Variants in NKD1 observed in about 807,000 individuals in gnomAD.
NKD1 encodes the protein NKD inhibitor of Wnt signaling pathway 1, also known as protein naked cuticle homolog 1.
Under a neutral mutation model 56.0 loss-of-function variants are expected in NKD1, and 21 were observed. That is an observed-to-expected ratio of 0.38 (90% CI 0.27 to 0.54). NKD1 has a LOEUF of 0.54. Ranked by LOEUF, NKD1 falls within the 20% of genes least tolerant of loss-of-function variation. The probability of loss-of-function intolerance (pLI) is 0.82; values close to 1 mark genes in which losing one functional copy is unlikely to be tolerated. For missense variants in NKD1, 578 were observed against 642.7 expected (o/e 0.90, Z 1.09); for synonymous variants, 263 against 265.7 (o/e 0.99, Z 0.10).
rs1053708184 is a variant in NKD1, at chr16:50,638,146, C to G, written c.*4365C>G. The G allele has an allele frequency of 6.6e-6, 1 of 152,200 alleles. No homozygotes were observed. The highest frequency in any genetic ancestry group is 1.5e-5 in the Non-Finnish European group (1 of 68,052). 9.4% of individuals were successfully genotyped at this position (152,200 alleles called of 1,614,324 possible). A position where few individuals can be genotyped will look rare whatever the true frequency, so the allele number is the denominator to read the frequency against. The stretch of plus-strand genomic sequence containing the variant: ...GAAGTGTGGCAGGAGGAGGGGAAGT[C>G]TGCCTGCATCTTGGTGTGTCTGTCA... On this transcript the variant is annotated 3_prime_UTR_variant, in exon 10 of 10. Coordinates refer to ENST00000268459, the MANE Select transcript of NKD1 (RefSeq NM_033119.5).
intron 3 of NKD1, among the ~76,000 whole-genome samples, chr16:50,578,798 C>T (rs1017926637): frequency 4.3e-4 from 65 of 152,152 alleles, no homozygotes; most frequent in African/African-American, 1.4e-3. Flanking sequence ...GGCTATGTCT[C>T]GGTCACTGCC....
Position 50,632,146 on chromosome 16 carries a change from C to A in NKD1, c.696-135C>A. ...ACAGTTCGTATAGAGGACTGTTCCTCCCCACCCTCTCCAAAGGCCAAGAAG... is the reference window on the plus strand; with the variant it reads ...ACAGTTCGTATAGAGGACTGTTCCTACCCACCCTCTCCAAAGGCCAAGAAG... On this transcript the variant is annotated intron_variant, in intron 8 of 9. Transcript: ENST00000268459. The surrounding 1 kb of genome is among the most constrained non-coding windows in gnomAD (Gnocchi z 4.1). 4 of 796,838 alleles carry A rather than the reference C, an allele frequency of 5.0e-6. No homozygotes were observed. The South Asian group carries it at 7.1e-5, about 14-fold the overall frequency. 49.4% of individuals were successfully genotyped at this position (796,838 alleles called of 1,614,324 possible).
At chr16:50,615,126 G>A (rs1285917816) in intron 4 of NKD1, among the ~76,000 whole-genome samples, 6 of 152,330 alleles carry the variant, frequency 3.9e-5, no homozygotes, top group African/African-American at 1.4e-4. Context: ...ATCAGAAGGA[G>A]GAGAAGGATT....
intron 2 of NKD1, 91 bp from the exon 3 acceptor site, chr16:50,549,331 C>T: frequency 2.0e-6 from 3 of 1,498,704 alleles, no homozygotes; most frequent in Non-Finnish European, 1.8e-6. Flanking sequence ...CGTGGTCCTT[C>T]GCCTCCCACC....
rs1036297316 is a variant in NKD1, at chr16:50,638,987, A to G, written c.*5206A>G. The G allele has an allele frequency of 6.6e-6, 1 of 152,290 alleles. No homozygotes were observed. The highest frequency in any genetic ancestry group is 2.1e-4 in the South Asian group (1 of 4,834). The allele number at this position is 152,290 out of a possible 1,614,324, so 9.4% of individuals were successfully genotyped here. Reference sequence around the variant, plus strand: ...GAGGCCCTTTAGACATGACTTTGGCATTGACCAGCCTGTTGGCAATGGGTC... The same window carrying G: ...GAGGCCCTTTAGACATGACTTTGGCGTTGACCAGCCTGTTGGCAATGGGTC... On this transcript the variant is annotated 3_prime_UTR_variant, in exon 10 of 10. Coordinates refer to ENST00000268459, the MANE Select transcript of NKD1 (RefSeq NM_033119.5).
intron 3 of NKD1, among the ~76,000 whole-genome samples, chr16:50,599,036 G>C (rs1406037312): frequency 6.6e-6 from 1 of 152,082 alleles, no homozygotes; most frequent in Non-Finnish European, 1.5e-5. Context: ...TGGGAGGGCA[G>C]AGACTCCGAC....
At chr16:50,590,993 T>C (rs951448455) in intron 3 of NKD1, among the ~76,000 whole-genome samples, 1 of 152,050 alleles carries the variant, frequency 6.6e-6, no homozygotes, top group Non-Finnish European at 1.5e-5. Flanking sequence ...CCCAGCTATT[T>C]TTTTTTTTCA....
At chr16:50,624,096 T>G (rs1962156489) in intron 5 of NKD1, among the ~76,000 whole-genome samples, 1 of 152,176 alleles carries the variant, frequency 6.6e-6, no homozygotes, top group South Asian at 2.1e-4. Flanking sequence ...TGCCTTTCCC[T>G]CTCTGGGGAG....
At chr16:50,574,530 G>A (rs1960951179) in intron 3 of NKD1, 7 of 985,362 alleles carry the variant, frequency 7.1e-6, no homozygotes, top group Non-Finnish European at 8.4e-6. Flanking sequence ...GCCCAGGCAC[G>A]GCCGAATGGC....
In NKD1 at chr16:50,637,691, G is replaced by A. The variant is rs1962497574; in HGVS notation, c.*3910G>A. ...AAGGGGAAACCATGATTGCTGGTGA[G>A]GTTTTGAGCACATTTTCCTGCAGGC... On this transcript the variant is annotated 3_prime_UTR_variant, in exon 10 of 10. Coordinates refer to ENST00000268459, the MANE Select transcript of NKD1 (RefSeq NM_033119.5). The A allele has an allele frequency of 6.6e-6, 1 of 152,248 alleles. No individual in the cohort carries two copies. Among genetic ancestry groups the A allele is most frequent in the African/African-American group, 2.4e-5 (1 of 41,460 alleles). The allele number at this position is 152,248 out of a possible 1,614,324, so 9.4% of individuals were successfully genotyped here.
chr16:50,575,531 C>T (rs1020406759), intron 3 of NKD1, among the ~76,000 whole-genome samples: 7 of 152,212 alleles, frequency 4.6e-5, no homozygotes, highest in Non-Finnish European at 1.0e-4. Context: ...GCTCCTTCCC[C>T]GGGCTGTGGG....
intron 4 of NKD1, among the ~76,000 whole-genome samples, chr16:50,616,656 G>T (rs947389221): frequency 5.9e-5 from 9 of 152,136 alleles, no homozygotes; most frequent in African/African-American, 2.2e-4. Context: ...CAAGAAACTT[G>T]CTTTCTGGCT....
chr16:50,633,505 C>A lies in NKD1; in HGVS notation c.1137C>A (p.Ser379=). 1.2e-6 allele frequency: 2 copies of A among 1,610,174 alleles called. No individual in the cohort carries two copies. The highest frequency in any genetic ancestry group is 1.7e-6 in the Non-Finnish European group (2 of 1,178,586). The change falls in exon 10 of 10, where the codon TCC becomes TCA. Residue 379 remains serine, a synonymous_variant. Coordinates refer to ENST00000268459, the MANE Select transcript of NKD1 (RefSeq NM_033119.5). This position sits in a 1 kb window ranked among gnomAD's most constrained non-coding sequence, Gnocchi z 4.9. ...PPLGPAIPAV[S]PSAHLAASPA... ...TGGGACCCGCCATCCCTGCGGTGTCCCCCTCCGCCCACCTGGCTGCCAGCC... is the reference window on the plus strand; with the variant it reads ...TGGGACCCGCCATCCCTGCGGTGTCACCCTCCGCCCACCTGGCTGCCAGCC...
rs539449230 is a variant in NKD1, at chr16:50,639,582, G to C, written c.*5801G>C. The C allele has an allele frequency of 6.6e-6, 1 of 152,380 alleles. No homozygotes were observed. The highest frequency in any genetic ancestry group is 2.1e-4 in the South Asian group (1 of 4,832). 9.4% of individuals were successfully genotyped at this position (152,380 alleles called of 1,614,324 possible). On this transcript the variant is annotated 3_prime_UTR_variant, in exon 10 of 10. Transcript: ENST00000268459. ...GGGGACCTCCAAAAACTTCATGGAT[G>C]TTAGAGCAAGCAGCCATGCTGCAGC...
At chr16:50,559,463 G>T (rs1384508525) in intron 3 of NKD1, among the ~76,000 whole-genome samples, 1 of 152,066 alleles carries the variant, frequency 6.6e-6, no homozygotes, top group Non-Finnish European at 1.5e-5. Context: ...CAAAGGGCAA[G>T]AGGCATGCAG....
intron 3 of NKD1, among the ~76,000 whole-genome samples, chr16:50,559,721 G>A (rs1019530376): frequency 2.0e-5 from 3 of 152,120 alleles, no homozygotes; most frequent in African/African-American, 7.2e-5. Context: ...GAAGAGGTAG[G>A]GAGGAGAACC....
intron 3 of NKD1, among the ~76,000 whole-genome samples, chr16:50,577,270 A>G (rs948844565): frequency 2.6e-5 from 4 of 152,176 alleles, no homozygotes; most frequent in Non-Finnish European, 4.4e-5. Flanking sequence ...TATATTTGGT[A>G]AATAACCTTC....
chr16:50,603,966 G>A (rs1302635182), intron 3 of NKD1, among the ~76,000 whole-genome samples: 4 of 152,354 alleles, frequency 2.6e-5, no homozygotes, highest in East Asian at 3.9e-4. Context: ...CATTAGACAG[G>A]AGCAGCCCAG....
chr16:50,564,260 G>A (rs578152338), intron 3 of NKD1, among the ~76,000 whole-genome samples: 3 of 152,298 alleles, frequency 2.0e-5, no homozygotes, highest in South Asian at 4.1e-4. Context: ...GTCACAAATC[G>A]GGGCCTTTCT....
Sources: allele counts gnomAD v4.1 joint callset (sites outside exome capture counted in the v4.1 genomes callset), GRCh38; gene constraint gnomAD v4.1.1; non-coding constraint Gnocchi (gnomAD v3.1); transcripts MANE v1.5; gene names NCBI Gene and HGNC (gene_info 2026-07-23, HGNC 2026-07-21).